The following LIMS1 variants were observed in gnomAD, a reference collection of about 807,000 sequenced individuals.
LIMS1 encodes the protein LIM and senescent cell antigen-like-containing domain protein 1.
Under a neutral mutation model 44.1 loss-of-function variants are expected in LIMS1, and 18 were observed. That is an observed-to-expected ratio of 0.41 (90% CI 0.28 to 0.61). The LOEUF (loss-of-function observed/expected upper bound fraction) is 0.61. LIMS1 is among the 20% of genes least tolerant of loss of function. The pLI is 0.32. For synonymous variants in LIMS1, 93 were observed against 149.1 expected (o/e 0.62, Z 2.74); for missense variants, 201 against 422.0 (o/e 0.48, Z 4.59).
At chr2:108,533,938 AG>A (rs2104553847), upstream of LIMS1, 1 of 153,110 alleles carries the variant, frequency 6.5e-6, no homozygotes, top group East Asian at 1.9e-4. Flanking sequence ...CTTACCACAG[AG>A]CCCCCTCAGG....
At chr2:108,667,874 C>A (rs1481387980) in intron 2 of LIMS1, among the ~76,000 whole-genome samples, 1 of 152,060 alleles carries the variant, frequency 6.6e-6, no homozygotes, top group Non-Finnish European at 1.5e-5. Context: ...TAAACAATAG[C>A]TAATAAAATG....
At chr2:108,618,448 C>T (rs1688046803) in intron 1 of LIMS1, among the ~76,000 whole-genome samples, 1 of 152,174 alleles carries the variant, frequency 6.6e-6, no homozygotes, top group South Asian at 2.1e-4. Context: ...ATCTGACCCC[C>T]TTCCCTGTGC....
At chr2:108,560,942 ATTGGTTT>A (rs1232027864) in intron 1 of LIMS1, among the ~76,000 whole-genome samples, 1 of 152,088 alleles carries the variant, frequency 6.6e-6, no homozygotes, top group Non-Finnish European at 1.5e-5. Context: ...ATAAATAACC[ATTGGTTT>A]TGCCACACTA....
At chr2:108,560,220 A>T (rs1444476507) in intron 1 of LIMS1, among the ~76,000 whole-genome samples, 1 of 152,132 alleles carries the variant, frequency 6.6e-6, no homozygotes, top group African/African-American at 2.4e-5. Flanking sequence ...GCCCCTCGCC[A>T]GCTCCAGTCT....
intron 1 of LIMS1, among the ~76,000 whole-genome samples, chr2:108,535,581 A>C (rs1423815138): frequency 6.6e-6 from 1 of 152,252 alleles, no homozygotes; most frequent in Non-Finnish European, 1.5e-5. Flanking sequence ...AGTTTGGCAG[A>C]TCTCAAGCTG....
intron 1 of LIMS1, among the ~76,000 whole-genome samples, chr2:108,539,466 C>T (rs1224574034): frequency 6.6e-6 from 1 of 152,176 alleles, no homozygotes; most frequent in Non-Finnish European, 1.5e-5. Flanking sequence ...TAGTTCTGTC[C>T]CTTCATGGCT....
chr2:108,553,710 C>T (rs1171099938), intron 1 of LIMS1, among the ~76,000 whole-genome samples: 1 of 152,174 alleles, frequency 6.6e-6, no homozygotes, highest in East Asian at 1.9e-4. Flanking sequence ...CGAGCCTTCC[C>T]AGAATCTCTG....
At chr2:108,612,029 T>TACACACACAC (rs71381969) in intron 1 of LIMS1, among the ~76,000 whole-genome samples, 16 of 79,952 alleles carry the variant, frequency 2.0e-4, no homozygotes, top group African/African-American at 5.8e-4. Context: ...CACACACATA[T>TACACACACAC]ACACACACAC....
rs572875272 is a variant in LIMS1, at chr2:108,635,918, C to T, written c.33-23687C>T. ...GAAAGAGCCCAAAAGGTCTAAGTAC[C>T]ATCAGCTGCAGAGTCCTCACATAGG... On this transcript the variant is annotated intron_variant, in intron 1 of 9. Coordinates refer to ENST00000544547, the Ensembl canonical transcript of LIMS1. Among the ~76,000 whole-genome samples the T allele has an allele frequency of 3.3e-5, 5 of 152,254 alleles. No homozygotes were observed. In the South Asian group the frequency reaches 1.0e-3, roughly 32 times the overall value.
chr2:108,611,854 T>TACAC (rs1553459759), intron 1 of LIMS1, among the ~76,000 whole-genome samples: 10 of 125,246 alleles, frequency 8.0e-5, no homozygotes, highest in Middle Eastern at 4.3e-3. Context: ...TATATATATA[T>TACAC]ACACACATAT....
chr2:108,569,590 G>A (rs2104628172), intron 1 of LIMS1, among the ~76,000 whole-genome samples: 1 of 152,140 alleles, frequency 6.6e-6, no homozygotes, highest in South Asian at 2.1e-4. Flanking sequence ...CCATCTTGCT[G>A]AGGTTTTTGT....
At chr2:108,554,358 A>G (rs1684852513) in intron 1 of LIMS1, among the ~76,000 whole-genome samples, 1 of 152,140 alleles carries the variant, frequency 6.6e-6, no homozygotes, top group Non-Finnish European at 1.5e-5. Context: ...CCCAGACTCT[A>G]GAGCCTACAC....
chr2:108,596,914 T>TG (rs1491251026), intron 1 of LIMS1, among the ~76,000 whole-genome samples: 13 of 121,380 alleles, frequency 1.1e-4, no homozygotes, highest in African/African-American at 3.9e-4. Flanking sequence ...ACGAAACATC[T>TG]GTTTTTTTTT....
At chr2:108,662,127 C>T (rs1417373761) in intron 2 of LIMS1, 26 of 1,607,414 alleles carry the variant, frequency 1.6e-5, no homozygotes, top group Non-Finnish European at 2.2e-5. Context: ...CTTTGTTTTT[C>T]CAGACATTTT....
At chr2:108,603,495 C>CT (rs55909729) in intron 1 of LIMS1, among the ~76,000 whole-genome samples, 14,705 of 88,030 alleles carry the variant, frequency 0.17, 1,984 homozygotes, top group African/African-American at 0.26. Flanking sequence ...TTTTCATCGC[C>CT]TTTTTTTTTT....
At chr2:108,656,347 A>G (rs1178821279) in intron 1 of LIMS1, among the ~76,000 whole-genome samples, 1 of 149,882 alleles carries the variant, frequency 6.7e-6, no homozygotes, top group Admixed American at 6.7e-5. Context: ...AGATAGATAG[A>G]TAGATACTCC....
At chr2:108,583,132 G>A (rs1481270515) in intron 1 of LIMS1, among the ~76,000 whole-genome samples, 2 of 151,802 alleles carry the variant, frequency 1.3e-5, no homozygotes, top group African/African-American at 4.8e-5. Context: ...TCTGCCTCCC[G>A]AGTTCAAGCA....
intron 1 of LIMS1, among the ~76,000 whole-genome samples, chr2:108,604,827 G>A (rs1687188765): frequency 6.6e-6 from 1 of 152,202 alleles, no homozygotes. Flanking sequence ...AGAGCACTTG[G>A]TAGTCTGAAA....
chr2:108,552,188 C>G (rs1684768070), intron 1 of LIMS1, among the ~76,000 whole-genome samples: 1 of 143,076 alleles, frequency 7.0e-6, no homozygotes, highest in Non-Finnish European at 1.5e-5. Flanking sequence ...CAGTTTTATA[C>G]AGTATATATA....
Sources: gnomAD v4.1 joint callset for allele counts (sites outside exome capture counted in the v4.1 genomes callset) on GRCh38, gnomAD v4.1.1 for gene constraint, MANE v1.5 for transcripts, NCBI Gene and HGNC (gene_info 2026-07-23, HGNC 2026-07-21) for gene names.